The following NR3C2 variants were observed in gnomAD, a reference collection of about 807,000 sequenced individuals.
NR3C2 encodes nuclear receptor subfamily 3 group C member 2.
A neutral mutation model predicts 86.4 loss-of-function variants in NR3C2; 15 were observed. That is an observed-to-expected ratio of 0.17 (90% confidence interval 0.12 to 0.27). The LOEUF is 0.27. NR3C2 is among the 10% of genes least tolerant of loss of function. NR3C2 has a pLI of 1.00. For synonymous variants in NR3C2, 458 were observed against 450.5 expected (o/e 1.02, Z -0.21); for missense variants, 960 against 1,195.6 (o/e 0.80, Z 2.91).
intron 2 of NR3C2, among the ~76,000 whole-genome samples, chr4:148,429,796 C>T (rs1418524506): frequency 1.3e-5 from 2 of 152,054 alleles, no homozygotes; most frequent in Non-Finnish European, 2.9e-5. Flanking sequence ...CAAAGATATC[C>T]AAGTTAATGG....
chr4:148,094,491 A>G (rs1445235454), intron 8 of NR3C2, among the ~76,000 whole-genome samples: 2 of 152,178 alleles, frequency 1.3e-5, no homozygotes, highest in African/African-American at 4.8e-5. Flanking sequence ...AGGTGGGTGG[A>G]CCACCTGAGA....
intron 6 of NR3C2, among the ~76,000 whole-genome samples, chr4:148,129,575 TCCTA>T (rs1185290694): frequency 2.0e-5 from 3 of 152,208 alleles, no homozygotes; most frequent in Non-Finnish European, 4.4e-5. Flanking sequence ...CAACCCATAA[TCCTA>T]CCTGTTATAA....
intron 6 of NR3C2, among the ~76,000 whole-genome samples, chr4:148,140,978 A>T (rs536382284): frequency 1.3e-5 from 2 of 152,324 alleles, no homozygotes; most frequent in East Asian, 3.9e-4. Flanking sequence ...CTTGAAGTAA[A>T]ATTTAAAGAA....
At chr4:148,442,827 T>C (rs1259347193), upstream of NR3C2, 1 of 985,274 alleles carries the variant, frequency 1.0e-6, no homozygotes, top group Non-Finnish European at 1.2e-6. Context: ...CCAAACTTGC[T>C]TACGTCCACC....
chr4:148,244,071 T>C (rs1739199949), intron 3 of NR3C2, among the ~76,000 whole-genome samples: 1 of 152,230 alleles, frequency 6.6e-6, no homozygotes, highest in Non-Finnish European at 1.5e-5. Flanking sequence ...CAGGTGGAGC[T>C]GGCAGTTAAC....
chr4:148,121,635 T>A (rs1732508050), intron 6 of NR3C2, among the ~76,000 whole-genome samples: 1 of 152,236 alleles, frequency 6.6e-6, no homozygotes, highest in African/African-American at 2.4e-5. Context: ...TGGGTGATTA[T>A]CATTTCCTCT....
chr4:148,183,135 T>TG (rs1308224206), intron 4 of NR3C2, among the ~76,000 whole-genome samples: 1 of 152,198 alleles, frequency 6.6e-6, no homozygotes, highest in Non-Finnish European at 1.5e-5. Flanking sequence ...TCCATGTCCC[T>TG]GTAAAGGACA....
chr4:148,121,651 G>A (rs1732508515), intron 6 of NR3C2, among the ~76,000 whole-genome samples: 2 of 152,138 alleles, frequency 1.3e-5, no homozygotes, highest in Admixed American at 6.5e-5. Context: ...CCTCTCAGAT[G>A]TGTCTATTTC....
rs1379133428 is a variant in NR3C2 at position 148,134,641 on chromosome 4, C to CTTTTTTT, written c.2511-14354_2511-14353insAAAAAAA. 3.1e-4 allele frequency among the ~76,000 whole-genome samples: 19 copies of CTTTTTTT among 60,960 alleles called. 1 individual carries two copies. Among genetic ancestry groups the CTTTTTTT allele is most frequent in the East Asian group, 1.6e-3 (2 of 1,262 alleles). 40.0% of individuals were successfully genotyped at this position (60,960 alleles called of 152,430 possible). ...TCCCTGTGATTCTCTCTCTCTCTCT[C>CTTTTTTT]TCTTTTTTTTTTTTTTTTTTTTTTT... On this transcript the variant is annotated intron_variant, in intron 6 of 8. Coordinates refer to ENST00000358102, the MANE Select transcript of NR3C2 (RefSeq NM_000901.5).
chr4:148,191,332 G>A (rs1196480059), intron 4 of NR3C2, among the ~76,000 whole-genome samples: 1 of 152,118 alleles, frequency 6.6e-6, no homozygotes, highest in African/African-American at 2.4e-5. Flanking sequence ...TAGCTTTGAG[G>A]GTTTCTGCTG....
At chr4:148,142,327 G>A (rs558624517) in intron 6 of NR3C2, among the ~76,000 whole-genome samples, 1 of 152,102 alleles carries the variant, frequency 6.6e-6, no homozygotes, top group Non-Finnish European at 1.5e-5. Flanking sequence ...GAATGGCGAC[G>A]GAAGTGGCAG....
At chr4:148,302,219 G>T (rs1260504616) in intron 2 of NR3C2, among the ~76,000 whole-genome samples, 1 of 152,166 alleles carries the variant, frequency 6.6e-6, no homozygotes, top group Non-Finnish European at 1.5e-5. Flanking sequence ...AAATATACAG[G>T]ACTCATGGAG....
chr4:148,387,497 C>T (rs995553779), intron 2 of NR3C2, among the ~76,000 whole-genome samples: 1 of 152,110 alleles, frequency 6.6e-6, no homozygotes, highest in South Asian at 2.1e-4. Context: ...TCTCCAAGAA[C>T]AACAAAAACA....
At position 148,234,681 on chromosome 4, in the gene NR3C2, T is replaced by C. The variant is rs572214049; in HGVS notation, c.1897+25297A>G. On this transcript the variant is annotated intron_variant, in intron 3 of 8. Coordinates refer to ENST00000358102, the MANE Select transcript of NR3C2 (RefSeq NM_000901.5). ...CTGGGCGACACAGTGAGACTCCAAC[T>C]AAAAAAAAAAAAAAAAAAGGAGGGA... Among the ~76,000 whole-genome samples the C allele has an allele frequency of 6.4e-3, 471 of 73,072 alleles. 2 individuals carry two copies. Among genetic ancestry groups the C allele is most frequent in the Admixed American group, 0.012 (73 of 6,278 alleles). The allele number at this position is 73,072 out of a possible 152,430, so 47.9% of individuals were successfully genotyped here.
chr4:148,293,224 T>C (rs1415538402), intron 2 of NR3C2, among the ~76,000 whole-genome samples: 1 of 152,102 alleles, frequency 6.6e-6, no homozygotes, highest in Non-Finnish European at 1.5e-5. Context: ...AAACTAGATA[T>C]AAGCACCCAC....
intron 3 of NR3C2, among the ~76,000 whole-genome samples, chr4:148,241,495 G>GC (rs1739045186): frequency 6.6e-6 from 1 of 151,484 alleles, no homozygotes; most frequent in African/African-American, 2.4e-5. Context: ...CCTCCTTCCT[G>GC]CCCCAGGGCC....
At chr4:148,255,253 A>G (rs938907136) in intron 3 of NR3C2, among the ~76,000 whole-genome samples, 13 of 152,206 alleles carry the variant, frequency 8.5e-5, no homozygotes, top group African/African-American at 2.9e-4. Context: ...AAAACTAATG[A>G]TTCATAAACC....
At chr4:148,404,230 T>C (rs1169452461) in intron 2 of NR3C2, among the ~76,000 whole-genome samples, 1 of 152,120 alleles carries the variant, frequency 6.6e-6, no homozygotes, top group Non-Finnish European at 1.5e-5. Context: ...AACTCCAGTT[T>C]GAAAAACATT....
intron 8 of NR3C2, among the ~76,000 whole-genome samples, chr4:148,111,097 G>T (rs760686696): frequency 2.0e-4 from 30 of 152,188 alleles, no homozygotes; most frequent in Non-Finnish European, 3.7e-4. Context: ...ATCTGGATTT[G>T]TATCCAGAAA....
Sources: gnomAD v4.1 joint callset for allele counts (sites outside exome capture counted in the v4.1 genomes callset) on GRCh38, gnomAD v4.1.1 for gene constraint, MANE v1.5 for transcripts, NCBI Gene and HGNC (gene_info 2026-07-23, HGNC 2026-07-21) for gene names.